FADS2: variants seen among roughly 807,000 people sequenced by gnomAD.
FADS2 encodes fatty acid desaturase 2, also known as acyl-CoA 6-desaturase.
In FADS2, 18 loss-of-function variants were observed where a neutral mutation model predicts 61.2. The observed-to-expected ratio is 0.29, with a 90% confidence interval of 0.20 to 0.44. The LOEUF is 0.44. Ranked by LOEUF, FADS2 falls within the 20% of genes least tolerant of loss-of-function variation. The pLI is 1.00. For missense variants in FADS2, 322 were observed against 572.7 expected, an observed-to-expected ratio of 0.56 and a Z score of 4.47; for synonymous variants, 203 against 223.9, an observed-to-expected ratio of 0.91 and a Z score of 0.83.
At chr11:61,862,613 C>T (rs553648076) in intron 7 of FADS2, 7 of 292,832 alleles carry the variant, frequency 2.4e-5, no homozygotes, top group Admixed American at 9.5e-5. Flanking sequence ...GACTGGGGGA[C>T]GGTTGGGGAC....
chr11:61,858,426 G>A (rs1322183097), intron 7 of FADS2, among the ~76,000 whole-genome samples: 11 of 151,824 alleles, frequency 7.2e-5, no homozygotes, highest in East Asian at 2.0e-4. Context: ...TGATCTGCCC[G>A]CCTCAGCCTC....
At chr11:61,819,412 G>A (rs984878887) in intron 1 of FADS2, among the ~76,000 whole-genome samples, 4 of 152,092 alleles carry the variant, frequency 2.6e-5, no homozygotes, top group East Asian at 3.9e-4. Flanking sequence ...TGGGCGTGGC[G>A]GCGTGCGCCT....
At position 61,866,541 on chromosome 11, in the gene FADS2, G is replaced by A. The variant is rs2067472552; in HGVS notation, c.*852G>A. On this transcript the variant is annotated 3_prime_UTR_variant, in exon 12 of 12. Transcript: ENST00000278840. ...CTCCAGCTTTTCCTCAGGGTGTCCT[G>A]AGGTCCAAGATTCTGGAGCAATCTG... 6.6e-6 allele frequency: 1 copy of A among 152,410 alleles called. No homozygotes were observed. Among genetic ancestry groups the A allele is most frequent in the African/African-American group, 2.4e-5 (1 of 41,472 alleles). The allele number at this position is 152,410 out of a possible 1,614,324, so 9.4% of individuals were successfully genotyped here. A position where few individuals can be genotyped will look rare whatever the true frequency, so the allele number is the denominator to read the frequency against.
chr11:61,821,288 GGT>G, intron 1 of FADS2: 1 of 645,082 alleles, frequency 1.6e-6, no homozygotes, highest in African/African-American at 1.8e-5. Flanking sequence ...GGGAGGCTGA[GGT>G]GGGAGGATTA....
In FADS2 at chr11:61,828,629, C is replaced by T; in HGVS notation, c.207+32C>T. 1 of 1,584,926 alleles carries T rather than the reference C, an allele frequency of 6.3e-7. No individual in the cohort carries two copies. The highest frequency in any genetic ancestry group is 8.6e-7 in the Non-Finnish European group (1 of 1,159,804). On this transcript the variant is annotated intron_variant, in intron 1 of 11. Coordinates refer to ENST00000278840, the MANE Select transcript of FADS2 (RefSeq NM_004265.4). This position sits in a 1 kb window ranked among gnomAD's most constrained non-coding sequence, Gnocchi z 6.4. ...GTCTGGGGGCGCCCCAGCCACCCTTCTCTGCTGCAGGCGGAGTCAGGATCC... is the reference window on the plus strand; with the variant it reads ...GTCTGGGGGCGCCCCAGCCACCCTTTTCTGCTGCAGGCGGAGTCAGGATCC...
Position 61,848,173 on chromosome 11 carries a change from C to A in FADS2, c.633C>A (p.Asn211Lys). ...VIGHLKGASA[N>K]WWNHRHFQHH... is the part of the protein sequence containing the mutation. ...TCTCCCCACAGGGTGCCTCTGCCAA[C>A]TGGTGGAATCATCGCCACTTCCAGC... Residue 211 changes from asparagine to lysine, a missense_variant, in exon 5 of 12, where the codon AAC becomes AAA. This residue lies in a region of FADS2 where 221 missense variants were observed against 427.9 expected (regional missense o/e 0.52). Transcript: ENST00000278840. 6.2e-7 allele frequency: 1 copy of A among 1,614,180 alleles called. No homozygotes were observed. Among genetic ancestry groups the A allele is most frequent in the Non-Finnish European group, 8.5e-7 (1 of 1,180,014 alleles).
intron 5 of FADS2, among the ~76,000 whole-genome samples, chr11:61,851,874 T>C (rs1429047029): frequency 1.8e-4 from 27 of 152,282 alleles, no homozygotes; most frequent in Admixed American, 1.8e-3. Context: ...CTTTTTGTCA[T>C]ATGTAGCAAA....
upstream of FADS2, chr11:61,826,409 C>T (rs1380452281): frequency 1.4e-6 from 1 of 701,942 alleles, no homozygotes; most frequent in Non-Finnish European, 2.6e-6. Flanking sequence ...ACCTTCAAAG[C>T]CTCTGTGAGA....
rs1225194472 is a variant in FADS2, at chr11:61,828,687, G to C, written c.207+90G>C. 9 of 1,145,488 alleles carry C rather than the reference G, an allele frequency of 7.9e-6. No individual in the cohort carries two copies. Among genetic ancestry groups the C allele is most frequent in the Non-Finnish European group, 1.1e-5 (9 of 793,466 alleles). The allele number at this position is 1,145,488 out of a possible 1,614,324, so 71.0% of individuals were successfully genotyped here. A position where few individuals can be genotyped will look rare whatever the true frequency, so the allele number is the denominator to read the frequency against. On this transcript the variant is annotated intron_variant, in intron 1 of 11. Transcript: ENST00000278840. The surrounding 1 kb of genome is among the most constrained non-coding windows in gnomAD (Gnocchi z 6.4). ...CCCGTGGGCCAAACAGACCTCCGGC[G>C]CTGAATGGAGCTTGGGACGTCCTGT...
At chr11:61,838,093 G>T (rs959001360) in intron 2 of FADS2, among the ~76,000 whole-genome samples, 1 of 152,170 alleles carries the variant, frequency 6.6e-6, no homozygotes, top group African/African-American at 2.4e-5. Flanking sequence ...AACTAGTGGC[G>T]TCTCCTCTCT....
chr11:61,857,421 G>A (rs750420847), intron 6 of FADS2, 33 bp from the exon 7 acceptor site: 21 of 1,595,774 alleles, frequency 1.3e-5, no homozygotes, highest in Non-Finnish European at 1.7e-5. Context: ...AGGGTGGAAT[G>A]GATGCCTCTA....
upstream of FADS2, among the ~76,000 whole-genome samples, chr11:61,824,891 G>T (rs976712894): frequency 6.6e-6 from 1 of 152,134 alleles, no homozygotes; most frequent in Admixed American, 6.5e-5. Flanking sequence ...CCCTTCTGCA[G>T]TAAGAGAGAA....
chr11:61,822,499 AGAG>A, intron 1 of FADS2, among the ~76,000 whole-genome samples: 1 of 152,316 alleles, frequency 6.6e-6, no homozygotes, highest in African/African-American at 2.4e-5. Flanking sequence ...CCTGGTTCAA[AGAG>A]GAGAAGGCTG....
Position 61,816,397 on chromosome 11 carries a change from T to C in FADS2, c.112T>C (p.Ser38Pro). The stretch of plus-strand genomic sequence containing the variant: ...CTCTCTCCCGCCTTTTCATCCCGCA[T>C]CCGCAGGACACCCAATCACCGGGCA... Residue 38 changes from serine to proline, a missense_variant, in exon 1 of 12, where the codon TCC becomes CCC. Physicochemically the swap from Ser to Pro is moderately conservative, Grantham distance 74. Coordinates refer to the FADS2 transcript ENST00000257261. The surrounding 1 kb of genome is among the most constrained non-coding windows in gnomAD (Gnocchi z 7.0). 6.3e-7 allele frequency: 1 copy of C among 1,598,524 alleles called. No homozygotes were observed.
intron 4 of FADS2, among the ~76,000 whole-genome samples, chr11:61,845,940 G>C (rs2067255085): frequency 6.6e-6 from 1 of 152,092 alleles, no homozygotes; most frequent in African/African-American, 2.4e-5. Flanking sequence ...TCCTCCATCT[G>C]TTTGTTCAAT....
Position 61,866,310 on chromosome 11 carries a change from C to T in FADS2, c.*621C>T, listed in dbSNP as rs933037457. ...AGGGCCCCAGGCCCGCGGGCACAGCCAGCCCAAACCTTGGGCCCTGGAAGA... is the reference window on the plus strand; with the variant it reads ...AGGGCCCCAGGCCCGCGGGCACAGCTAGCCCAAACCTTGGGCCCTGGAAGA... On this transcript the variant is annotated 3_prime_UTR_variant, in exon 12 of 12. Transcript: ENST00000278840. 1 of 266,602 alleles carries T rather than the reference C, an allele frequency of 3.8e-6. No individual in the cohort carries two copies. The highest frequency in any genetic ancestry group is 7.0e-6 in the Non-Finnish European group (1 of 142,812). The allele number at this position is 266,602 out of a possible 1,614,324, so 16.5% of individuals were successfully genotyped here.
At chr11:61,844,475 G>A (rs538618643) in intron 4 of FADS2, among the ~76,000 whole-genome samples, 1 of 152,210 alleles carries the variant, frequency 6.6e-6, no homozygotes, top group East Asian at 1.9e-4. Context: ...CTTGAACCAG[G>A]GAGGTGGAGG....
intron 4 of FADS2, 129 bp downstream of exon 4, chr11:61,840,854 T>C (rs2067212641): frequency 1.4e-6 from 1 of 714,184 alleles, no homozygotes; most frequent in Non-Finnish European, 2.4e-6. Context: ...CTGAGGGCCA[T>C]GGTGACTCTC....
At chr11:61,845,209 A>G (rs1436291085) in intron 4 of FADS2, among the ~76,000 whole-genome samples, 1 of 151,638 alleles carries the variant, frequency 6.6e-6, no homozygotes, top group African/African-American at 2.4e-5. Context: ...AGCACCCCTC[A>G]CTCTGCCTGG....
Sources: allele counts gnomAD v4.1 joint callset (sites outside exome capture counted in the v4.1 genomes callset), GRCh38; gene constraint gnomAD v4.1.1; regional missense constraint gnomAD v4.1.1; non-coding constraint Gnocchi (gnomAD v3.1); transcripts MANE v1.5; gene names NCBI Gene and HGNC (gene_info 2026-07-23, HGNC 2026-07-21).